GALNT13: variants seen among roughly 807,000 people sequenced by gnomAD.
The protein encoded by GALNT13 is UDP-GalNAc:polypeptide N-acetylgalactosaminyltransferase 13.
GALNT13 carries 28 observed loss-of-function variants against 64.2 expected under a neutral mutation model. That is an observed-to-expected ratio of 0.44 (90% confidence interval 0.32 to 0.60). GALNT13 has a LOEUF of 0.60. Among genes scored for constraint, GALNT13 ranks in the 20% least tolerant of loss-of-function variants. GALNT13 has a pLI of 0.05. For synonymous variants in GALNT13, 214 were observed against 224.6 expected, an observed-to-expected ratio of 0.95 and a Z score of 0.42; for missense variants, 577 against 669.8, an observed-to-expected ratio of 0.86 and a Z score of 1.53.
At chr2:153,315,445 G>A in the GALNT13 span, among the ~76,000 whole-genome samples, 2 of 152,126 alleles carry the variant, frequency 1.3e-5, no homozygotes, top group African/African-American at 4.8e-5. Flanking sequence ...TGGGTGAGCA[G>A]GTTTAACCAT....
intron 9 of GALNT13, among the ~76,000 whole-genome samples, chr2:154,325,725 T>G (rs549662365): frequency 6.6e-6 from 1 of 152,218 alleles, no homozygotes; most frequent in African/African-American, 2.4e-5. Flanking sequence ...CATCACCTCA[T>G]GCATTGTAAC....
chr2:153,164,555 A>T, the GALNT13 span, among the ~76,000 whole-genome samples: 1 of 152,184 alleles, frequency 6.6e-6, no homozygotes, highest in African/African-American at 2.4e-5. Flanking sequence ...ATTTTGATGT[A>T]TCTGGATATA....
At chr2:153,989,777 G>T (rs1695041820) in intron 3 of GALNT13, among the ~76,000 whole-genome samples, 1 of 152,026 alleles carries the variant, frequency 6.6e-6, no homozygotes. Context: ...AGTTGGAAAT[G>T]CTAGGAAGTG....
chr2:154,450,474 A>G lies in GALNT13; in HGVS notation c.1594A>G (p.Met532Val), dbSNP rs775023754. The change falls in exon 13 of 13, where the codon ATG becomes GTG. Residue 532 changes from methionine to valine, a missense_variant. Met to Val is a conservative substitution (Grantham distance 21, BLOSUM62 1). Coordinates refer to ENST00000392825, the MANE Select transcript of GALNT13 (RefSeq NM_052917.4). ...CLDEPSEEDK[M>V]VPTMQDCSGS... ...CGATGAACCTTCTGAAGAAGACAAA[A>G]TGGTGCCTACAATGCAGGACTGTAG... The G allele has an allele frequency of 2.7e-5, 43 of 1,612,724 alleles. No homozygotes were observed. In the South Asian group the frequency reaches 4.7e-4, roughly 18 times the overall value.
chr2:153,098,673 A>G, the GALNT13 span, among the ~76,000 whole-genome samples: 3 of 152,184 alleles, frequency 2.0e-5, no homozygotes, highest in Non-Finnish European at 4.4e-5. Flanking sequence ...TGGATATGCA[A>G]CAATTTATCT....
rs1002991432 is a variant in GALNT13 at position 154,287,066 on chromosome 2, G to A, written c.976-14343G>A. 122 of 732,612 alleles carry A rather than the reference G, an allele frequency of 1.7e-4. No individual in the cohort carries two copies. In the African/African-American group the frequency reaches 1.9e-3, roughly 11 times the overall value. The allele number at this position is 732,612 out of a possible 1,614,324, so 45.4% of individuals were successfully genotyped here. A position where few individuals can be genotyped will look rare whatever the true frequency, so the allele number is the denominator to read the frequency against. ...AGTGATGACCTTACAGGTCATCTTT[G>A]GGCTCATCCACCCACCTTTGGGCAA... is the stretch of plus-strand genomic sequence containing the variant. On this transcript the variant is annotated intron_variant, in intron 8 of 12. Coordinates refer to ENST00000392825, the MANE Select transcript of GALNT13 (RefSeq NM_052917.4).
chr2:153,688,573 A>C, the GALNT13 span, among the ~76,000 whole-genome samples: 4 of 152,026 alleles, frequency 2.6e-5, no homozygotes, highest in African/African-American at 9.7e-5. Context: ...GTATTACAAC[A>C]TAGGTTTTTC....
At chr2:153,072,357 G>T in the GALNT13 span, among the ~76,000 whole-genome samples, 2 of 152,142 alleles carry the variant, frequency 1.3e-5, no homozygotes, top group Non-Finnish European at 2.9e-5. Flanking sequence ...GGGCCTAAGA[G>T]CCCTGACCAT....
chr2:153,108,078 A>G, the GALNT13 span, among the ~76,000 whole-genome samples: 1 of 152,042 alleles, frequency 6.6e-6, no homozygotes, highest in Admixed American at 6.6e-5. Flanking sequence ...GGGTTTTGCC[A>G]TGTTGCCCAG....
At chr2:153,758,750 C>A in the GALNT13 span, among the ~76,000 whole-genome samples, 2 of 151,982 alleles carry the variant, frequency 1.3e-5, no homozygotes, top group Admixed American at 1.3e-4. Context: ...GTGTGCCGCA[C>A]CCAGCTAATT....
chr2:153,730,634 T>G, the GALNT13 span, among the ~76,000 whole-genome samples: 1 of 151,812 alleles, frequency 6.6e-6, no homozygotes, highest in Non-Finnish European at 1.5e-5. Flanking sequence ...GATAAAATAT[T>G]TGTAAACTAT....
the GALNT13 span, chr2:153,421,268 G>T: frequency 5.3e-6 from 1 of 189,212 alleles, no homozygotes. Flanking sequence ...CATGAAATCT[G>T]AGAGAAGCAG....
chr2:153,448,326 G>A, the GALNT13 span, among the ~76,000 whole-genome samples: 1 of 152,102 alleles, frequency 6.6e-6, no homozygotes, highest in Non-Finnish European at 1.5e-5. Context: ...TTATTTTTAT[G>A]TGTTTCCTAG....
intron 8 of GALNT13, among the ~76,000 whole-genome samples, chr2:154,291,112 G>T (rs550631706): frequency 6.6e-6 from 1 of 152,084 alleles, no homozygotes; most frequent in Non-Finnish European, 1.5e-5. Context: ...AGGTTGCCGC[G>T]GCTGGCTTGG....
intron 1 of GALNT13, among the ~76,000 whole-genome samples, chr2:153,898,208 C>T (rs950944642): frequency 3.3e-5 from 5 of 152,044 alleles, no homozygotes; most frequent in African/African-American, 1.2e-4. Context: ...TTATTATTCT[C>T]CAGCTTCCAA....
At chr2:153,288,202 A>C in the GALNT13 span, among the ~76,000 whole-genome samples, 1 of 152,222 alleles carries the variant, frequency 6.6e-6, no homozygotes, top group South Asian at 2.1e-4. Flanking sequence ...AAGTCAAAAT[A>C]GTTTAAAAAT....
At chr2:153,440,711 G>A in the GALNT13 span, among the ~76,000 whole-genome samples, 2 of 152,120 alleles carry the variant, frequency 1.3e-5, no homozygotes, top group African/African-American at 4.8e-5. Flanking sequence ...GTGATGATAT[G>A]CTTTTTTTCA....
chr2:154,112,095 G>T (rs747975208), intron 3 of GALNT13, among the ~76,000 whole-genome samples: 8 of 152,194 alleles, frequency 5.3e-5, no homozygotes, highest in African/African-American at 2.4e-5. Flanking sequence ...ACAAACCTCT[G>T]CCCTTTCCAT....
chr2:154,055,773 T>C (rs1699865001), intron 3 of GALNT13, among the ~76,000 whole-genome samples: 1 of 152,112 alleles, frequency 6.6e-6, no homozygotes, highest in African/African-American at 2.4e-5. Flanking sequence ...TCGCCACAGA[T>C]TTAGATTCAT....
Sources: gnomAD v4.1 joint callset for allele counts (sites outside exome capture counted in the v4.1 genomes callset) on GRCh38, gnomAD v4.1.1 for gene constraint, MANE v1.5 for transcripts, NCBI Gene and HGNC (gene_info 2026-07-23, HGNC 2026-07-21) for gene names.